Variants in CAMK4 observed in about 807,000 individuals in gnomAD.
The protein encoded by CAMK4 is calcium/calmodulin-dependent protein kinase type IV.
A neutral mutation model predicts 44.9 loss-of-function variants in CAMK4; 22 were observed. The observed-to-expected ratio is 0.49, with a 90% CI of 0.35 to 0.70. CAMK4 has a LOEUF of 0.70. Among genes scored for constraint, CAMK4 ranks in the 30% least tolerant of loss-of-function variants. The pLI is 0.01. For synonymous variants in CAMK4, 218 were observed against 215.4 expected (o/e 1.01, Z -0.11); for missense variants, 498 against 586.8 (o/e 0.85, Z 1.56).
At chr5:111,262,705 A>G (rs1448418113) in intron 1 of CAMK4, among the ~76,000 whole-genome samples, 2 of 152,220 alleles carry the variant, frequency 1.3e-5, no homozygotes, top group African/African-American at 2.4e-5. Flanking sequence ...GAAATCGGTT[A>G]TGCAATAGGG....
intron 5 of CAMK4, among the ~76,000 whole-genome samples, chr5:111,424,734 A>G (rs945010377): frequency 6.6e-6 from 1 of 150,672 alleles, no homozygotes; most frequent in Non-Finnish European, 1.5e-5. Context: ...GGCGTGAGCC[A>G]CCGCGTCCAG....
In CAMK4 at chr5:111,485,723, A is replaced by T. The variant is rs760790352; in HGVS notation, c.*1257A>T. Reference sequence around the variant, plus strand: ...TTAAAAAACAAACAAAAACAAAAATAAAGAAAAATACTGATTTCAAATCAG... The same window carrying T: ...TTAAAAAACAAACAAAAACAAAAATTAAGAAAAATACTGATTTCAAATCAG... On this transcript the variant is annotated 3_prime_UTR_variant, in exon 11 of 11. Coordinates refer to ENST00000282356, the MANE Select transcript of CAMK4 (RefSeq NM_001744.6). 6.6e-6 allele frequency: 1 copy of T among 152,186 alleles called. No homozygotes were observed. The highest frequency in any genetic ancestry group is 1.5e-5 in the Non-Finnish European group (1 of 68,012). 9.4% of individuals were successfully genotyped at this position (152,186 alleles called of 1,614,324 possible). A position where few individuals can be genotyped will look rare whatever the true frequency, so the allele number is the denominator to read the frequency against.
At chr5:111,463,729 C>T (rs886259055) in intron 7 of CAMK4, among the ~76,000 whole-genome samples, 1 of 152,140 alleles carries the variant, frequency 6.6e-6, no homozygotes, top group Admixed American at 6.5e-5. Flanking sequence ...GTGGCTAGAT[C>T]CAGAAGATTA....
intron 4 of CAMK4, 67 bp downstream of exon 4, chr5:111,377,009 G>C: frequency 1.1e-6 from 1 of 947,702 alleles, no homozygotes; most frequent in Non-Finnish European, 1.7e-6. Context: ...TAATCTAAAG[G>C]ACATTTCTCC....
At chr5:111,286,169 T>C (rs1751232295) in intron 1 of CAMK4, among the ~76,000 whole-genome samples, 1 of 152,218 alleles carries the variant, frequency 6.6e-6, no homozygotes, top group Non-Finnish European at 1.5e-5. Context: ...TTAAGGTTTC[T>C]AGGTTTTGTA....
chr5:111,480,277 C>CAT lies in CAMK4; in HGVS notation c.828+1771_828+1772insTA, dbSNP rs1755389378. Among the ~76,000 whole-genome samples the CAT allele has an allele frequency of 2.0e-5, 3 of 151,166 alleles. No homozygotes were observed. In the South Asian group the frequency reaches 6.3e-4, roughly 32 times the overall value. On this transcript the variant is annotated intron_variant, in intron 9 of 10. Transcript: ENST00000282356. ...ACACACACACACACACACACACACA[C>CAT]ACACACACACACCCCTGGGTAACTC...
At chr5:111,351,766 A>G (rs1263630353) in intron 2 of CAMK4, among the ~76,000 whole-genome samples, 2 of 152,096 alleles carry the variant, frequency 1.3e-5, no homozygotes, top group African/African-American at 4.8e-5. Flanking sequence ...CATAAAAATA[A>G]TATGTCATAC....
chr5:111,302,567 T>C (rs1448476676), intron 1 of CAMK4: 1 of 85,614 alleles, frequency 1.2e-5, no homozygotes, highest in Non-Finnish European at 2.2e-5. Flanking sequence ...CACGAGACTA[T>C]ATCCCACACC....
intron 1 of CAMK4, among the ~76,000 whole-genome samples, chr5:111,320,447 C>T (rs992386599): frequency 2.6e-5 from 4 of 152,058 alleles, no homozygotes; most frequent in Non-Finnish European, 5.9e-5. Flanking sequence ...ACTTAGAAAG[C>T]GTTAATGTGT....
At chr5:111,440,845 C>T (rs1230878121) in intron 5 of CAMK4, among the ~76,000 whole-genome samples, 1 of 152,126 alleles carries the variant, frequency 6.6e-6, no homozygotes, top group Non-Finnish European at 1.5e-5. Context: ...TTTTCCAAGT[C>T]TCAAAGGATT....
At chr5:111,316,069 G>T (rs749686735) in intron 1 of CAMK4, among the ~76,000 whole-genome samples, 1 of 152,086 alleles carries the variant, frequency 6.6e-6, no homozygotes, top group Non-Finnish European at 1.5e-5. Flanking sequence ...ATTATTTCAT[G>T]ACCCTAAGCA....
intron 2 of CAMK4, among the ~76,000 whole-genome samples, chr5:111,346,077 A>G (rs997751616): frequency 1.1e-4 from 17 of 152,006 alleles, no homozygotes; most frequent in African/African-American, 3.6e-4. Flanking sequence ...AACGAGAGAA[A>G]TAGCAGACAA....
chr5:111,467,590 A>G (rs944673319), intron 7 of CAMK4, among the ~76,000 whole-genome samples: 2 of 152,162 alleles, frequency 1.3e-5, no homozygotes, highest in African/African-American at 4.8e-5. Flanking sequence ...GCTAACAAAC[A>G]TATGAAAAAA....
At chr5:111,350,674 C>T (rs1750069254) in intron 2 of CAMK4, among the ~76,000 whole-genome samples, 1 of 151,920 alleles carries the variant, frequency 6.6e-6, no homozygotes, top group Non-Finnish European at 1.5e-5. Flanking sequence ...TATTATAATA[C>T]CAGTAAAGTT....
chr5:111,396,628 A>ATTTTTTTTTT (rs1210775733), intron 5 of CAMK4, among the ~76,000 whole-genome samples: 9 of 41,292 alleles, frequency 2.2e-4, no homozygotes, highest in Admixed American at 5.6e-4. Context: ...ATTAACTCAT[A>ATTTTTTTTTT]TTCTTTTTTT....
chr5:111,333,108 C>A (rs1749242368), intron 1 of CAMK4, among the ~76,000 whole-genome samples: 1 of 151,312 alleles, frequency 6.6e-6, no homozygotes, highest in Non-Finnish European at 1.5e-5. Context: ...GTATATATTG[C>A]TTATTAATAT....
At chr5:111,447,766 A>G (rs1246218223) in intron 6 of CAMK4, among the ~76,000 whole-genome samples, 2 of 152,322 alleles carry the variant, frequency 1.3e-5, no homozygotes, top group East Asian at 1.9e-4. Context: ...TAAGTTGTTC[A>G]TATCAGGGAA....
intron 1 of CAMK4, among the ~76,000 whole-genome samples, chr5:111,323,391 C>A: frequency 6.6e-6 from 1 of 151,958 alleles, no homozygotes; most frequent in East Asian, 1.9e-4. Flanking sequence ...ATCAAAAAAT[C>A]ACAAGTCAAA....
At chr5:111,325,199 A>G (rs1223082932) in intron 1 of CAMK4, among the ~76,000 whole-genome samples, 4 of 151,794 alleles carry the variant, frequency 2.6e-5, no homozygotes. Context: ...TTATGACTAT[A>G]TTGTATTCTG....
Sources: allele counts gnomAD v4.1 joint callset (sites outside exome capture counted in the v4.1 genomes callset), GRCh38; gene constraint gnomAD v4.1.1; transcripts MANE v1.5; gene names NCBI Gene and HGNC (gene_info 2026-07-23, HGNC 2026-07-21).